Variants in SNAP23 observed in about 807,000 individuals in gnomAD.
SNAP23 encodes synaptosomal-associated protein 23.
Under a neutral mutation model 29.0 loss-of-function variants are expected in SNAP23, and 11 were observed. The ratio of observed to expected loss-of-function variants is 0.38; its 90% CI spans 0.24 to 0.63. SNAP23 has a LOEUF of 0.63. Ranked by LOEUF, SNAP23 falls within the 20% of genes least tolerant of loss-of-function variation. SNAP23 has a pLI of 0.58. For missense variants in SNAP23, 220 were observed against 253.9 expected, an observed-to-expected ratio of 0.87 and a Z score of 0.91; for synonymous variants, 60 against 82.9, an observed-to-expected ratio of 0.72 and a Z score of 1.50.
chr15:42,497,804 A>C (rs1375078569), intron 1 of SNAP23, among the ~76,000 whole-genome samples: 1 of 152,356 alleles, frequency 6.6e-6, no homozygotes, highest in South Asian at 2.1e-4. Flanking sequence ...GAGCCTGTAA[A>C]ATCAAAAGCA....
intron 2 of SNAP23, among the ~76,000 whole-genome samples, 178 bp from the exon 3 acceptor site, chr15:42,512,777 G>C (rs925245329): frequency 2.0e-5 from 3 of 150,412 alleles, no homozygotes; most frequent in African/African-American, 7.3e-5. Flanking sequence ...CTTGAGCTCC[G>C]GTACTCAAGA....
rs561211542 is a variant in SNAP23 at position 42,522,534 on chromosome 15, C to T, written c.267-5728C>T. On this transcript the variant is annotated intron_variant, in intron 5 of 7. Transcript: ENST00000249647. ...ATTTCTACCCTTTGTTTCCTGCCCT[C>T]CTTTTTTCTTCTTTTCTTAGTTTGA... 1.5e-3 allele frequency among the ~76,000 whole-genome samples: 224 copies of T among 151,998 alleles called. 2 individuals are homozygous for T. Among genetic ancestry groups the T allele is most frequent in the Non-Finnish European group, 2.4e-3 (165 of 67,950 alleles).
intron 5 of SNAP23, among the ~76,000 whole-genome samples, chr15:42,523,173 G>A (rs2057464920): frequency 6.9e-6 from 1 of 145,542 alleles, no homozygotes. Flanking sequence ...AGACGTTTAA[G>A]TGGGAAAAAA....
intron 1 of SNAP23, among the ~76,000 whole-genome samples, chr15:42,496,092 G>A (rs1039965175): frequency 6.6e-6 from 1 of 152,172 alleles, no homozygotes; most frequent in African/African-American, 2.4e-5. Context: ...GAGGTTCCTG[G>A]TATTGGATAG....
chr15:42,506,230 C>T (rs1405994565), intron 1 of SNAP23, among the ~76,000 whole-genome samples: 2 of 151,940 alleles, frequency 1.3e-5, no homozygotes, highest in South Asian at 4.1e-4. Context: ...TAGGCGTGAG[C>T]CACTGTGACC....
rs1285002345 is a variant in SNAP23, at chr15:42,531,468, T to C, written c.626T>C (p.Ile209Thr). ...GCCAATGCCAGAGCAAAGAAACTCA[T>C]TGACAGCTAAAGCTACTGCTGTTCT... ...DIANARAKKL[I>T]DS is the part of the protein sequence containing the mutation. The change falls in exon 8 of 8, where the codon ATT (isoleucine) becomes ACT (threonine). Residue 209 changes from isoleucine to threonine, a missense_variant. Coordinates refer to ENST00000249647, the MANE Select transcript of SNAP23 (RefSeq NM_003825.4). 4 of 1,602,222 alleles carry C rather than the reference T, an allele frequency of 2.5e-6. No homozygotes were observed. The African/African-American group carries it at 5.4e-5, about 21-fold the overall frequency.
At chr15:42,522,593 T>TTTA (rs1432301523) in intron 5 of SNAP23, among the ~76,000 whole-genome samples, 1 of 151,912 alleles carries the variant, frequency 6.6e-6, no homozygotes, top group Non-Finnish European at 1.5e-5. Flanking sequence ...ACATTCACTC[T>TTTA]TTATTATTAG....
At chr15:42,495,278 A>G (rs528362891), upstream of SNAP23, 46 of 152,176 alleles carry the variant, frequency 3.0e-4, no homozygotes, top group Non-Finnish European at 6.6e-4. Flanking sequence ...CAAATTTTCT[A>G]TGTGCTATGC....
rs181350873 is a variant in SNAP23, at chr15:42,521,250, A to T, written c.266+5896A>T. 7.9e-5 allele frequency among the ~76,000 whole-genome samples: 12 copies of T among 152,354 alleles called. 1 individual carries two copies. The highest frequency in any genetic ancestry group is 1.3e-4 in the Non-Finnish European group (9 of 68,038). ...TTTTAAAATTACAATGAAAAAATAT[A>T]TAAGAAAATAAAATACATAATAGAA... On this transcript the variant is annotated intron_variant, in intron 5 of 7. Transcript: ENST00000249647.
chr15:42,503,294 C>T (rs986907874), intron 1 of SNAP23, among the ~76,000 whole-genome samples: 2 of 151,568 alleles, frequency 1.3e-5, no homozygotes, highest in Admixed American at 6.6e-5. Flanking sequence ...CTCCGCCTCC[C>T]GGGTTCAAGT....
intron 4 of SNAP23, among the ~76,000 whole-genome samples, chr15:42,513,834 A>G (rs1454275851): frequency 1.3e-5 from 2 of 150,040 alleles, no homozygotes; most frequent in Non-Finnish European, 3.0e-5. Context: ...GGGGTGGGGG[A>G]TGAAGTTTCG....
intron 1 of SNAP23, among the ~76,000 whole-genome samples, chr15:42,510,197 A>G (rs903336596): frequency 2.0e-5 from 3 of 152,120 alleles, no homozygotes; most frequent in Non-Finnish European, 2.9e-5. Context: ...GTGCAGTGCC[A>G]TGATCTTGAC....
chr15:42,528,491 G>A (rs2057528226), intron 6 of SNAP23, 71 bp downstream of exon 6: 2 of 1,370,452 alleles, frequency 1.5e-6, no homozygotes, highest in East Asian at 4.6e-5. Flanking sequence ...GAGTTTAGCA[G>A]TACATGACCC....
intron 7 of SNAP23, 149 bp from the exon 8 acceptor site, chr15:42,531,264 C>G (rs1376979363): frequency 2.1e-6 from 1 of 480,790 alleles, no homozygotes; most frequent in East Asian, 3.3e-5. Flanking sequence ...ATTTCATATT[C>G]TGTTACTTCT....
At position 42,513,044 on chromosome 15, in the gene SNAP23, G is replaced by T. The variant is rs141023809; in HGVS notation, c.99+48G>T. On this transcript the variant is annotated intron_variant, in intron 3 of 7. Coordinates refer to ENST00000249647, the MANE Select transcript of SNAP23 (RefSeq NM_003825.4). ...CTTAAGTATAGAAATTTATAGGAGC[G>T]ATCCTAATACTTCTGGCTGGAATTA... The T allele has an allele frequency of 4.3e-5, 56 of 1,298,666 alleles. No homozygotes were observed. The East Asian group carries it at 1.2e-3, about 28-fold the overall frequency. The allele number at this position is 1,298,666 out of a possible 1,614,324, so 80.4% of individuals were successfully genotyped here.
At position 42,506,717 on chromosome 15, in the gene SNAP23, T is replaced by G. The variant is rs567697731; in HGVS notation, c.-14-5116T>G. 2.6e-5 allele frequency among the ~76,000 whole-genome samples: 4 copies of G among 152,294 alleles called. No homozygotes were observed. The South Asian group carries it at 8.3e-4, about 32-fold the overall frequency. ...ATAGAAAGCATCTGAAATTTTGAAATGAGCCATCATATAGGATTGCTTGAC... is the reference window on the plus strand; with the variant it reads ...ATAGAAAGCATCTGAAATTTTGAAAGGAGCCATCATATAGGATTGCTTGAC... On this transcript the variant is annotated intron_variant, in intron 1 of 7. Coordinates refer to ENST00000249647, the MANE Select transcript of SNAP23 (RefSeq NM_003825.4).
chr15:42,526,923 C>T (rs1016420256), intron 5 of SNAP23, among the ~76,000 whole-genome samples: 2 of 151,330 alleles, frequency 1.3e-5, no homozygotes, highest in African/African-American at 2.4e-5. Context: ...TTGCAACCTC[C>T]GCCTCCTGGG....
At chr15:42,512,620 G>A (rs1344079436) in intron 2 of SNAP23, among the ~76,000 whole-genome samples, 1 of 151,874 alleles carries the variant, frequency 6.6e-6, no homozygotes, top group Admixed American at 6.6e-5. Flanking sequence ...CTCGTGATCC[G>A]CCCACCTCAG....
chr15:42,509,440 CTTTT>C (rs34486893), intron 1 of SNAP23, among the ~76,000 whole-genome samples: 2 of 133,988 alleles, frequency 1.5e-5, no homozygotes, highest in African/African-American at 2.7e-5. Flanking sequence ...GGCTCAAAAT[CTTTT>C]TTTTTTTTTT....
Sources: allele counts gnomAD v4.1 joint callset (sites outside exome capture counted in the v4.1 genomes callset), GRCh38; gene constraint gnomAD v4.1.1; transcripts MANE v1.5; gene names NCBI Gene and HGNC (gene_info 2026-07-23, HGNC 2026-07-21).